TEX2: variants seen among roughly 807,000 people sequenced by gnomAD.
TEX2 encodes the protein testis-expressed protein 2.
A neutral mutation model predicts 106.9 loss-of-function variants in TEX2; 53 were observed. That is an observed-to-expected ratio of 0.50 (90% CI 0.40 to 0.62). The LOEUF (loss-of-function observed/expected upper bound fraction) is 0.62. Among genes scored for constraint, TEX2 ranks in the 20% least tolerant of loss-of-function variants. The pLI is 0.00. For synonymous variants in TEX2, 523 were observed against 534.8 expected (o/e 0.98, Z 0.30); for missense variants, 1,207 against 1,379.0 (o/e 0.88, Z 1.98).
At position 64,188,226 on chromosome 17, in the gene TEX2, C is replaced by T. The variant is rs377267817; in HGVS notation, c.2366G>A (p.Arg789Gln). The T allele has an allele frequency of 1.4e-5, 23 of 1,613,070 alleles. No homozygotes were observed. Among genetic ancestry groups the T allele is most frequent in the South Asian group, 1.2e-4 (11 of 91,044 alleles). The stretch of plus-strand genomic sequence containing the variant: ...CTGCAGGGGGCTCCTCTGGGGGCTT[C>T]GGCTTTCCTGGGGGACACACCTGCC... ...YMGRCVPQES[R>Q]SPQRSPLQSA... Residue 789 changes from arginine (R) to glutamine (Q), a missense_variant, in exon 5 of 12, where the codon CGA (arginine) becomes CAA (glutamine). Around this residue, in one of 3 missense-constraint regions of TEX2, gnomAD observed 1,067 missense variants for 1,193.6 expected, o/e 0.89. Transcript: ENST00000584379.
chr17:64,181,107 A>AT (rs56109347), intron 5 of TEX2, among the ~76,000 whole-genome samples: 11 of 151,884 alleles, frequency 7.2e-5, no homozygotes, highest in Admixed American at 7.2e-4. Context: ...TTTAAACATT[A>AT]TTTAAAACAG....
chr17:64,223,600 T>C (rs2033421928), intron 1 of TEX2, among the ~76,000 whole-genome samples: 1 of 151,150 alleles, frequency 6.6e-6, no homozygotes. Context: ...TTAGAGGAAA[T>C]ACTGGAGGAA....
At chr17:64,177,263 A>G in intron 6 of TEX2, 62 bp downstream of exon 6, 1 of 1,596,372 alleles carries the variant, frequency 6.3e-7, no homozygotes, top group Non-Finnish European at 8.5e-7. Context: ...ACATAAGGGT[A>G]CAAAATTTCC....
rs1197129285 is a variant in TEX2 at position 64,217,760 on chromosome 17, C to G, written c.-25-3518G>C. On this transcript the variant is annotated intron_variant, in intron 1 of 11. Transcript: ENST00000584379. This position sits in a 1 kb window ranked among gnomAD's most constrained non-coding sequence, Gnocchi z 4.3. ...CCAAAAAAGAAAGCTTCCTTCTCAA[C>G]AGTCTCTTTTTCCCATAGTTCCAGC... Among the ~76,000 whole-genome samples, 1 of 152,216 alleles carries G rather than the reference C, an allele frequency of 6.6e-6. No individual in the cohort carries two copies. The highest frequency in any genetic ancestry group is 2.4e-5 in the African/African-American group (1 of 41,464).
chr17:64,233,898 C>T (rs2033711722), intron 1 of TEX2, among the ~76,000 whole-genome samples: 3 of 152,196 alleles, frequency 2.0e-5, no homozygotes. Context: ...CTACACATGC[C>T]TGTACTGTTT....
At chr17:64,250,291 A>T (rs2034065118) in intron 1 of TEX2, among the ~76,000 whole-genome samples, 1 of 152,360 alleles carries the variant, frequency 6.6e-6, no homozygotes, top group Admixed American at 6.5e-5. Context: ...TTATCAAAGG[A>T]AACAATAATA....
Position 64,193,861 on chromosome 17 carries a change from C to T in TEX2, c.1874G>A (p.Arg625Gln), listed in dbSNP as rs1312121433. Residue 625 changes from arginine (R) to glutamine (Q), a missense_variant, in exon 4 of 12, where the codon CGA becomes CAA. Physicochemically the swap from Arg to Gln is conservative, Grantham distance 43. Transcript: ENST00000584379. The part of the protein sequence containing the change: ...KIYLVPKTLA[R>Q]KRIWNKKYPI... ...GTACTTTTTATTCCAGATTCGCTTT[C>T]GAGCCAAAGTTTTAGGTACAAGATA... 1.9e-6 allele frequency: 3 copies of T among 1,560,090 alleles called. No homozygotes were observed. The highest frequency in any genetic ancestry group is 1.2e-5 in the South Asian group (1 of 83,954).
chr17:64,178,335 GT>G (rs1364318952), intron 5 of TEX2, among the ~76,000 whole-genome samples: 1 of 152,224 alleles, frequency 6.6e-6, no homozygotes, highest in Admixed American at 6.5e-5. Context: ...AGACGGTGTT[GT>G]AAGGTTTATG....
At chr17:64,241,927 C>G (rs1264579234) in intron 1 of TEX2, among the ~76,000 whole-genome samples, 1 of 152,238 alleles carries the variant, frequency 6.6e-6, no homozygotes, top group East Asian at 1.9e-4. Flanking sequence ...GCCACTGCAC[C>G]TGGCTCTCTC....
chr17:64,191,624 C>T (rs1215286487), intron 4 of TEX2, among the ~76,000 whole-genome samples: 2 of 152,020 alleles, frequency 1.3e-5, no homozygotes, highest in East Asian at 3.9e-4. Flanking sequence ...TAAGATCAGC[C>T]TGACCAACAT....
chr17:64,193,451 A>T, intron 4 of TEX2, 108 bp downstream of exon 4: 1 of 861,154 alleles, frequency 1.2e-6, no homozygotes, highest in Non-Finnish European at 1.7e-6. Context: ...GACAACCATC[A>T]GTTCAGGGTG....
At chr17:64,259,226 T>A (rs936097112) in intron 1 of TEX2, among the ~76,000 whole-genome samples, 2 of 152,212 alleles carry the variant, frequency 1.3e-5, no homozygotes, top group Non-Finnish European at 2.9e-5. Flanking sequence ...CCAAGTCTAG[T>A]GTTCTCTCCA....
At chr17:64,248,251 A>T (rs1222730300) in intron 1 of TEX2, among the ~76,000 whole-genome samples, 9 of 152,260 alleles carry the variant, frequency 5.9e-5, no homozygotes, top group African/African-American at 2.2e-4. Flanking sequence ...CAGAAAAGAA[A>T]AATTGGTACA....
intron 1 of TEX2, among the ~76,000 whole-genome samples, chr17:64,245,681 T>C (rs2033973169): frequency 6.6e-6 from 1 of 152,246 alleles, no homozygotes. Context: ...CTTTTTCACT[T>C]TTCTGATCCT....
chr17:64,170,237 A>G (rs187420800), intron 7 of TEX2, among the ~76,000 whole-genome samples: 108 of 152,378 alleles, frequency 7.1e-4, no homozygotes, highest in African/African-American at 2.5e-3. Flanking sequence ...CCTACTCTCA[A>G]AATATTGCCT....
intron 1 of TEX2, among the ~76,000 whole-genome samples, chr17:64,255,459 A>T (rs2034166556): frequency 6.6e-6 from 1 of 152,200 alleles, no homozygotes; most frequent in South Asian, 2.1e-4. Flanking sequence ...ACAATGCTTC[A>T]TTGTGGAACT....
intron 3 of TEX2, among the ~76,000 whole-genome samples, chr17:64,194,202 A>C (rs1056069058): frequency 6.6e-6 from 1 of 152,236 alleles, no homozygotes; most frequent in African/African-American, 2.4e-5. Context: ...TTGGCTATCA[A>C]CTGAATTTAA....
intron 5 of TEX2, among the ~76,000 whole-genome samples, chr17:64,184,549 T>C (rs1028458267): frequency 6.6e-6 from 1 of 152,250 alleles, no homozygotes; most frequent in African/African-American, 2.4e-5. Flanking sequence ...CTGTGGGTTA[T>C]CTTTTCACTG....
intron 8 of TEX2, among the ~76,000 whole-genome samples, chr17:64,157,364 T>G (rs2030680175): frequency 2.6e-5 from 4 of 152,188 alleles, no homozygotes; most frequent in Non-Finnish European, 1.5e-5. Context: ...ATGTCAGATA[T>G]ATAAGAAAAA....
Sources: allele counts gnomAD v4.1 joint callset (sites outside exome capture counted in the v4.1 genomes callset), GRCh38; gene constraint gnomAD v4.1.1; regional missense constraint gnomAD v4.1.1; non-coding constraint Gnocchi (gnomAD v3.1); transcripts MANE v1.5; gene names NCBI Gene and HGNC (gene_info 2026-07-23, HGNC 2026-07-21).